Variants in CCDC7 observed in about 807,000 individuals in gnomAD.
The protein encoded by CCDC7 is coiled-coil domain containing 7, also known as coiled-coil domain-containing protein 7.
A neutral mutation model predicts 196.9 loss-of-function variants in CCDC7; 183 were observed. The observed-to-expected ratio is 0.93, with a 90% CI of 0.82 to 1.05. CCDC7 has a LOEUF of 1.05. CCDC7 is among the 50% of genes least tolerant of loss of function. The pLI, the probability that CCDC7 is intolerant of heterozygous loss-of-function variation, is 0.00. For missense variants in CCDC7, 1,540 were observed against 1,482.2 expected (o/e 1.04, Z -0.64); for synonymous variants, 525 against 484.6 (o/e 1.08, Z -1.10).
downstream of CCDC7, among the ~76,000 whole-genome samples, chr10:32,880,275 CT>C (rs1240335733): frequency 5.3e-5 from 8 of 152,050 alleles, no homozygotes. Flanking sequence ...CTCATTGTGG[CT>C]TTGATTTGCA....
chr10:32,518,082 T>A (rs2047326684), intron 10 of CCDC7, 107 bp downstream of exon 11: 1 of 1,354,520 alleles, frequency 7.4e-7, no homozygotes, highest in East Asian at 2.6e-5. Flanking sequence ...AATCCTTACT[T>A]AGTTTATTTA....
chr10:32,517,363 C>G (rs190898602), intron 9 of CCDC7, among the ~76,000 whole-genome samples: 30 of 151,796 alleles, frequency 2.0e-4, no homozygotes, highest in African/African-American at 7.0e-4. Context: ...AACTGAAATC[C>G]AACCCACTAA....
chr10:32,594,803 A>G (rs1426849355), intron 18 of CCDC7, among the ~76,000 whole-genome samples: 1 of 152,182 alleles, frequency 6.6e-6, no homozygotes, highest in Non-Finnish European at 1.5e-5. Flanking sequence ...ATCTGTTGAG[A>G]TAATCATGTG....
chr10:32,713,659 C>G (rs1371765626), intron 25 of CCDC7, among the ~76,000 whole-genome samples: 2 of 152,216 alleles, frequency 1.3e-5, no homozygotes, highest in Non-Finnish European at 2.9e-5. Flanking sequence ...CACCATGGCT[C>G]ACTATCTATT....
intron 8 of CCDC7, among the ~76,000 whole-genome samples, chr10:32,476,821 T>G (rs1042370811): frequency 6.6e-6 from 1 of 152,260 alleles, no homozygotes; most frequent in African/African-American, 2.4e-5. Flanking sequence ...ATGTTGAGCA[T>G]GTTTTCATAA....
At chr10:32,729,250 A>G (rs1358675582) in intron 27 of CCDC7, 82 bp from the exon 29 acceptor site, 1 of 1,339,860 alleles carries the variant, frequency 7.5e-7, no homozygotes, top group African/African-American at 1.5e-5. Context: ...TGATTTTCTC[A>G]TTTTACTTCC....
intron 29 of CCDC7, among the ~76,000 whole-genome samples, chr10:32,799,822 C>T (rs1298838283): frequency 6.6e-6 from 1 of 152,204 alleles, no homozygotes; most frequent in Non-Finnish European, 1.5e-5. Flanking sequence ...AGTGTGATAT[C>T]TTGTGGAAGG....
intron 14 of CCDC7, among the ~76,000 whole-genome samples, chr10:32,567,008 G>A (rs1370590369): frequency 1.5e-5 from 2 of 131,736 alleles, no homozygotes; most frequent in African/African-American, 5.5e-5. Flanking sequence ...AAATATCTTT[G>A]TGTAATTTCC....
intron 21 of CCDC7, among the ~76,000 whole-genome samples, chr10:32,673,557 A>T (rs1021178467): frequency 6.6e-6 from 1 of 151,632 alleles, no homozygotes; most frequent in Non-Finnish European, 1.5e-5. Flanking sequence ...TCCTTTTTGG[A>T]TAGTTCGTTG....
chr10:32,858,402 A>G (rs938439475), intron 41 of CCDC7, among the ~76,000 whole-genome samples: 5 of 152,198 alleles, frequency 3.3e-5, no homozygotes, highest in African/African-American at 9.6e-5. Context: ...TCAATTAAAC[A>G]TTATCAAACT....
At chr10:32,528,253 C>T (rs915841395) in intron 11 of CCDC7, among the ~76,000 whole-genome samples, 2 of 148,168 alleles carry the variant, frequency 1.3e-5, no homozygotes, top group African/African-American at 5.1e-5. Flanking sequence ...ATATGTAGCA[C>T]GTTTCTTTTT....
chr10:32,842,936 G>A (rs1353019744), intron 33 of CCDC7, among the ~76,000 whole-genome samples: 2 of 151,784 alleles, frequency 1.3e-5, no homozygotes, highest in African/African-American at 4.8e-5. Context: ...TTGGGGACTT[G>A]GGGAAAGAGT....
chr10:32,741,916 T>C (rs181363756), intron 28 of CCDC7, among the ~76,000 whole-genome samples: 23 of 152,334 alleles, frequency 1.5e-4, no homozygotes, highest in Admixed American at 1.4e-3. Context: ...TGAACTTTTG[T>C]ATTTATGAAA....
intron 29 of CCDC7, among the ~76,000 whole-genome samples, chr10:32,793,361 G>C (rs1469552518): frequency 1.3e-5 from 2 of 152,024 alleles, no homozygotes; most frequent in Non-Finnish European, 1.5e-5. Flanking sequence ...TGGAATTATT[G>C]GTGGAAAGAA....
intron 28 of CCDC7, among the ~76,000 whole-genome samples, chr10:32,773,042 A>G (rs769355021): frequency 2.0e-5 from 3 of 152,214 alleles, no homozygotes; most frequent in Non-Finnish European, 4.4e-5. Context: ...TGAGAAATCA[A>G]CTGAAAGTTG....
intron 20 of CCDC7, among the ~76,000 whole-genome samples, chr10:32,643,778 T>C (rs1027578314): frequency 6.6e-6 from 1 of 151,760 alleles, no homozygotes; most frequent in Non-Finnish European, 1.5e-5. Context: ...GTAGAAACAC[T>C]TTCATGATTT....
intron 28 of CCDC7, among the ~76,000 whole-genome samples, chr10:32,743,291 AT>A (rs749099541): frequency 2.6e-5 from 4 of 152,160 alleles, no homozygotes; most frequent in Non-Finnish European, 5.9e-5. Flanking sequence ...TTATTTATAG[AT>A]TCTGGATATT....
intron 18 of CCDC7, among the ~76,000 whole-genome samples, chr10:32,626,426 C>T (rs529776835): frequency 6.6e-6 from 1 of 151,874 alleles, no homozygotes; most frequent in East Asian, 1.9e-4. Flanking sequence ...TATTTTCTTG[C>T]TGTTGAATTT....
chr10:32,876,361 G>A (rs752559755), exon 42 of CCDC7: 2 of 1,610,470 alleles, frequency 1.2e-6, no homozygotes, highest in African/African-American at 2.7e-5. Context: ...ACATGCTGCT[G>A]CCCGAAAATC....
Sources: allele counts gnomAD v4.1 joint callset (sites outside exome capture counted in the v4.1 genomes callset), GRCh38; gene constraint gnomAD v4.1.1; transcripts MANE v1.5; gene names NCBI Gene and HGNC (gene_info 2026-07-23, HGNC 2026-07-21).